DGKB: variants seen among roughly 807,000 people sequenced by gnomAD.
DGKB encodes the protein 90 kDa diacylglycerol kinase.
A neutral mutation model predicts 114.3 loss-of-function variants in DGKB; 67 were observed. The ratio of observed to expected loss-of-function variants is 0.59; its 90% confidence interval spans 0.48 to 0.72. The LOEUF is 0.72. Among genes scored for constraint, DGKB ranks in the 30% least tolerant of loss-of-function variants. DGKB has a pLI of 0.00. For missense variants in DGKB, 907 were observed against 975.2 expected (o/e 0.93, Z 0.93); for synonymous variants, 398 against 323.1 (o/e 1.23, Z -2.49).
chr7:14,534,777 T>C (rs541341166), intron 20 of DGKB, among the ~76,000 whole-genome samples: 6 of 152,282 alleles, frequency 3.9e-5, no homozygotes, highest in Admixed American at 3.3e-4. Context: ...GAATATTCTC[T>C]GGGATAAAGC....
intron 2 of DGKB, among the ~76,000 whole-genome samples, chr7:14,798,856 C>T (rs1326471243): frequency 6.6e-6 from 1 of 152,182 alleles, no homozygotes; most frequent in Non-Finnish European, 1.5e-5. Flanking sequence ...TATTCCCTGA[C>T]CTATGGAATG....
At chr7:14,251,988 T>C (rs1361480470) in intron 23 of DGKB, among the ~76,000 whole-genome samples, 2 of 152,232 alleles carry the variant, frequency 1.3e-5, no homozygotes, top group African/African-American at 4.8e-5. Context: ...TCTTTATGTT[T>C]AATCTATTTG....
At chr7:14,692,749 T>A (rs1189133809) in intron 9 of DGKB, among the ~76,000 whole-genome samples, 1 of 151,672 alleles carries the variant, frequency 6.6e-6, no homozygotes, top group Non-Finnish European at 1.5e-5. Flanking sequence ...ATATCACTTA[T>A]TAGTATTTTA....
intron 21 of DGKB, among the ~76,000 whole-genome samples, chr7:14,352,977 TAA>T (rs888300904): frequency 5.3e-5 from 8 of 152,014 alleles, no homozygotes; most frequent in African/African-American, 1.7e-4. Context: ...TTCATAATAA[TAA>T]AAGTGTCCCT....
At chr7:14,454,361 C>A (rs1389808602) in intron 21 of DGKB, among the ~76,000 whole-genome samples, 1 of 151,982 alleles carries the variant, frequency 6.6e-6, no homozygotes, top group Non-Finnish European at 1.5e-5. Context: ...GACCTATGTT[C>A]TTTTATTGAC....
At chr7:14,241,454 G>C (rs1357732934) in intron 23 of DGKB, among the ~76,000 whole-genome samples, 1 of 141,616 alleles carries the variant, frequency 7.1e-6, no homozygotes, top group Admixed American at 7.1e-5. Flanking sequence ...AAGTTATACA[G>C]CTTAATATAA....
At chr7:14,216,723 CT>C (rs1169084032) in intron 23 of DGKB, among the ~76,000 whole-genome samples, 1 of 91,440 alleles carries the variant, frequency 1.1e-5, no homozygotes, top group Non-Finnish European at 2.0e-5. Context: ...AAGACTCCGT[CT>C]CAAAAAAAAA....
chr7:14,267,404 G>A (rs534465306), intron 23 of DGKB, among the ~76,000 whole-genome samples: 4 of 152,132 alleles, frequency 2.6e-5, no homozygotes, highest in East Asian at 1.9e-4. Flanking sequence ...GTCATGCCAC[G>A]TAGAGCAGAA....
At chr7:14,832,056 C>T (rs2128123968) in intron 2 of DGKB, among the ~76,000 whole-genome samples, 1 of 152,160 alleles carries the variant, frequency 6.6e-6, no homozygotes, top group South Asian at 2.1e-4. Flanking sequence ...AATTAACTTA[C>T]ATATGGTGGT....
chr7:14,163,251 C>G (rs1784164403), intron 25 of DGKB, among the ~76,000 whole-genome samples: 1 of 151,762 alleles, frequency 6.6e-6, no homozygotes, highest in Non-Finnish European at 1.5e-5. Context: ...TTTTTTTTAA[C>G]CAATCTGAAA....
chr7:14,484,338 G>C lies in DGKB; in HGVS notation c.1771-6113C>G, dbSNP rs192584348. On this transcript the variant is annotated intron_variant, in intron 20 of 25. Transcript: ENST00000402815. ...ATATAGTGTAGATGTTTTCCCCTCT[G>C]AACATCATGTTGAATTGTGGTACCC... Among the ~76,000 whole-genome samples the C allele has an allele frequency of 8.6e-5, 13 of 151,290 alleles. No homozygotes were observed. The East Asian group carries it at 2.5e-3, about 30-fold the overall frequency.
At chr7:14,303,143 C>T (rs1803851281) in intron 23 of DGKB, among the ~76,000 whole-genome samples, 1 of 152,094 alleles carries the variant, frequency 6.6e-6, no homozygotes, top group Non-Finnish European at 1.5e-5. Flanking sequence ...TTTATGGCAA[C>T]ACCTAAGTGA....
intron 21 of DGKB, among the ~76,000 whole-genome samples, chr7:14,473,089 A>C (rs186502593): frequency 2.1e-4 from 32 of 152,322 alleles, no homozygotes; most frequent in African/African-American, 7.7e-4. Context: ...TTAATCCCCA[A>C]GACAATGGGG....
intron 13 of DGKB, among the ~76,000 whole-genome samples, chr7:14,649,837 G>A (rs1473312646): frequency 7.1e-6 from 1 of 140,978 alleles, no homozygotes; most frequent in Non-Finnish European, 1.5e-5. Context: ...AAAGGCAGGG[G>A]TTGCAATCCT....
intron 14 of DGKB, among the ~76,000 whole-genome samples, chr7:14,626,442 C>G (rs1808604693): frequency 6.6e-6 from 1 of 152,192 alleles, no homozygotes; most frequent in South Asian, 2.1e-4. Flanking sequence ...CTTTCTGCCA[C>G]TGGAGCTAGG....
At chr7:14,823,024 A>C (rs1164872013) in intron 2 of DGKB, among the ~76,000 whole-genome samples, 2 of 151,964 alleles carry the variant, frequency 1.3e-5, no homozygotes, top group East Asian at 3.9e-4. Flanking sequence ...TATTGTAAAT[A>C]GTACTTTTAA....
At chr7:14,322,729 A>G (rs918257206) in intron 23 of DGKB, among the ~76,000 whole-genome samples, 2 of 152,194 alleles carry the variant, frequency 1.3e-5, no homozygotes, top group East Asian at 3.8e-4. Context: ...GTTCCTTCAA[A>G]TATAAATTAT....
chr7:14,188,978 A>G (rs1056817610), intron 23 of DGKB, among the ~76,000 whole-genome samples: 1 of 152,186 alleles, frequency 6.6e-6, no homozygotes, highest in Non-Finnish European at 1.5e-5. Flanking sequence ...ATTTTTGCAG[A>G]TAAGAAAAAG....
intron 21 of DGKB, among the ~76,000 whole-genome samples, chr7:14,386,709 T>C (rs1054634719): frequency 1.3e-5 from 2 of 152,136 alleles, no homozygotes; most frequent in Non-Finnish European, 2.9e-5. Flanking sequence ...TCTAGCAAAA[T>C]GGTCTTTTAA....
Sources: gnomAD v4.1 joint callset for allele counts (sites outside exome capture counted in the v4.1 genomes callset) on GRCh38, gnomAD v4.1.1 for gene constraint, MANE v1.5 for transcripts, NCBI Gene and HGNC (gene_info 2026-07-23, HGNC 2026-07-21) for gene names.